Variants in NEB observed in about 807,000 individuals in gnomAD.
NEB encodes the protein nebulin.
A neutral mutation model predicts 952.2 loss-of-function variants in NEB; 512 were observed. The ratio of observed to expected loss-of-function variants is 0.54; its 90% CI spans 0.50 to 0.58. The LOEUF (loss-of-function observed/expected upper bound fraction) is 0.58, where lower values mean the gene tolerates loss of function less well. Among genes scored for constraint, NEB ranks in the 20% least tolerant of loss-of-function variants. The pLI is 0.00. For missense variants in NEB, 8,428 were observed against 9,231.1 expected (o/e 0.91, Z 3.56); for synonymous variants, 2,900 against 3,149.8 (o/e 0.92, Z 2.66).
chr2:151,488,562 C>T (rs2152725122), intron 181 of NEB, among the ~76,000 whole-genome samples: 1 of 151,830 alleles, frequency 6.6e-6, no homozygotes, highest in Admixed American at 6.6e-5. Context: ...TGGAGGATTG[C>T]TTGAGTCCAT....
chr2:151,500,630 C>T (rs1261244217), intron 168 of NEB, among the ~76,000 whole-genome samples: 2 of 133,776 alleles, frequency 1.5e-5, no homozygotes, highest in African/African-American at 5.4e-5. Context: ...GGGTCTCACT[C>T]CTGTTGCCTA....
At chr2:151,716,527 T>A (rs757163864) in intron 10 of NEB, among the ~76,000 whole-genome samples, 1 of 152,202 alleles carries the variant, frequency 6.6e-6, no homozygotes, top group African/African-American at 2.4e-5. Flanking sequence ...ATTGATAGTA[T>A]TCCTATTGGT....
In NEB at chr2:151,491,770, G is replaced by A. The variant is rs745632829; in HGVS notation, c.25063C>T (p.Arg8355Cys). ...GAACCAGGATTAGTACGCCAGACAC[G>A]TAAACCTGAAAGGGAAACCAGTGAT... ...DQDQETITGL[R>C]VWRTNPGSVF... The change falls in exon 179 of 182, where the codon CGT (arginine) becomes TGT (cysteine). Residue 8355 changes from arginine to cysteine, a missense_variant. Arg to Cys is a radical substitution (Grantham distance 180, BLOSUM62 -3). Transcript: ENST00000397345. 19 of 1,583,436 alleles carry A rather than the reference G, an allele frequency of 1.2e-5. No individual in the cohort carries two copies. Among genetic ancestry groups the A allele is most frequent in the Admixed American group, 3.6e-5 (2 of 55,578 alleles).
chr2:151,492,632 A>G (rs1559144648), intron 176 of NEB, 138 bp from the exon 177 acceptor site: 10 of 495,208 alleles, frequency 2.0e-5, no homozygotes, highest in East Asian at 3.2e-5. Context: ...CACATGACCA[A>G]TTTTGGAACA....
Position 151,657,996 on chromosome 2 carries a change from T to C in NEB, c.6170A>G (p.Asp2057Gly). Residue 2057 changes from aspartate (D) to glycine (G), a missense_variant, in exon 48 of 182, where the codon GAT (aspartate) becomes GGT (glycine). Transcript: ENST00000397345. The stretch of plus-strand genomic sequence containing the variant: ...CTTTGGACTTACATCACTTGCAATA[T>C]CTCTGGAAGCCTTGGCAGCTTTGAT... ...IPIKAAKASR[D>G]IASDYKYKYN... 1 of 1,605,760 alleles carries C rather than the reference T, an allele frequency of 6.2e-7. No homozygotes were observed. The highest frequency in any genetic ancestry group is 8.5e-7 in the Non-Finnish European group (1 of 1,173,976).
At chr2:151,632,137 C>A (rs143167672) in intron 65 of NEB, among the ~76,000 whole-genome samples, 496 of 152,174 alleles carry the variant, frequency 3.3e-3, no homozygotes, top group African/African-American at 0.011. Flanking sequence ...AATCATATTG[C>A]CATATTTTTC....
chr2:151,701,459 C>G (rs1312173339), intron 13 of NEB, among the ~76,000 whole-genome samples: 1 of 149,248 alleles, frequency 6.7e-6, no homozygotes, highest in Non-Finnish European at 1.5e-5. Flanking sequence ...CCTCCTTGTA[C>G]CTCTGATAGA....
intron 130 of NEB, among the ~76,000 whole-genome samples, chr2:151,549,144 G>C (rs572430179): frequency 6.5e-4 from 99 of 152,258 alleles, no homozygotes; most frequent in African/African-American, 2.2e-3. Flanking sequence ...CTGTGAACTG[G>C]GCACAGAGGA....
chr2:151,574,824 T>A (rs150039924), intron 107 of NEB, among the ~76,000 whole-genome samples: 67 of 152,208 alleles, frequency 4.4e-4, no homozygotes, highest in African/African-American at 1.3e-3. Context: ...CTCTTCCTCC[T>A]GGGCTCAAGT....
At chr2:151,691,630 C>T (rs893063690) in intron 23 of NEB, among the ~76,000 whole-genome samples, 3 of 152,088 alleles carry the variant, frequency 2.0e-5, no homozygotes, top group Non-Finnish European at 2.9e-5. Context: ...GCCCCAAATT[C>T]GTGTAGATAT....
chr2:151,487,943 A>G (rs913032900), intron 181 of NEB, among the ~76,000 whole-genome samples: 24 of 152,134 alleles, frequency 1.6e-4, no homozygotes, highest in African/African-American at 5.6e-4. Context: ...AAATGTTCGA[A>G]TATGATACAA....
At position 151,526,057 on chromosome 2, in the gene NEB, C is replaced by G. The variant is rs1257019710; in HGVS notation, c.22062G>C (p.Lys7354Asn). ...VSNLVSENKY[K>N]DHVKKHLAQG... ...GTGCCAAGTGCTTCTTGACATGGTC[C>G]TTGTACTTGTTCTGGGGGAATCCAT... is the stretch of plus-strand genomic sequence containing the variant. The change falls in exon 150 of 182, where the codon AAG (lysine) becomes AAC (asparagine). Residue 7354 changes from lysine (K) to asparagine (N), a missense_variant. Physicochemically the swap from Lys to Asn is moderately conservative, Grantham distance 94. Transcript: ENST00000397345. 2 of 1,613,810 alleles carry G rather than the reference C, an allele frequency of 1.2e-6. No individual in the cohort carries two copies. Among genetic ancestry groups the G allele is most frequent in the Admixed American group, 3.3e-5 (2 of 59,998 alleles).
chr2:151,612,481 C>T (rs1560424399), intron 77 of NEB, 92 bp from the exon 78 acceptor site: 1 of 1,203,634 alleles, frequency 8.3e-7, no homozygotes, highest in African/African-American at 1.5e-5. Context: ...ATGTGTTAGT[C>T]TGAATCTTAT....
At chr2:151,630,567 A>G in intron 67 of NEB, 148 bp downstream of exon 67, 1 of 605,042 alleles carries the variant, frequency 1.7e-6, no homozygotes, top group East Asian at 2.9e-5. Flanking sequence ...CATAAAATGT[A>G]ATATTTAACC....
At chr2:151,595,183 G>A (rs867951923) in intron 92 of NEB, among the ~76,000 whole-genome samples, 10,656 of 133,094 alleles carry the variant, frequency 0.08, 409 homozygotes, top group African/African-American at 0.23. Context: ...GCAGAGAAAG[G>A]GAACAAGGTG....
At chr2:151,694,255 C>T (rs1381571172) in intron 20 of NEB, 68 bp downstream of exon 20, 7 of 1,319,692 alleles carry the variant, frequency 5.3e-6, no homozygotes, top group Non-Finnish European at 7.6e-6. Flanking sequence ...AACGTCCATC[C>T]AAGGTTATAT....
At position 151,576,197 on chromosome 2, in the gene NEB, G is replaced by A. The variant is rs372378973; in HGVS notation, c.16862C>T (p.Thr5621Ile). ...VNLKYTSIVDTPEVVLAKSNA... is the reference protein window; with the variant it reads ...VNLKYTSIVDIPEVVLAKSNA... ...TGATTTAGCAAGGACCACTTCAGGT[G>A]TGTCAACAATGCTTGTGTACTTAAG... Residue 5621 changes from threonine (T) to isoleucine (I), a missense_variant, in exon 106 of 182, where the codon ACA (threonine) becomes ATA (isoleucine). By Grantham distance (89) the Thr-to-Ile change is moderately conservative (BLOSUM62 -1). This residue lies in a region of NEB where 3,374 missense variants were observed against 3,651.5 expected (regional missense o/e 0.92). Coordinates refer to ENST00000397345, the MANE Select transcript of NEB (RefSeq NM_001164508.2). 2 of 1,609,912 alleles carry A rather than the reference G, an allele frequency of 1.2e-6. No individual in the cohort carries two copies. Among genetic ancestry groups the A allele is most frequent in the Admixed American group, 3.3e-5 (2 of 59,934 alleles).
rs754340689 is a variant in NEB, at chr2:151,561,009, T to A, written c.19201A>T (p.Ser6401Cys). The change falls in exon 123 of 182, where the codon AGC (serine) becomes TGC (cysteine). Residue 6401 changes from serine (S) to cysteine (C), a missense_variant. Coordinates refer to ENST00000397345, the MANE Select transcript of NEB (RefSeq NM_001164508.2). The part of the protein sequence containing the change: ...DRTRNLKNLY[S>C]SNLYKEAWDR... Reference sequence around the variant, plus strand: ...GGAAAAAAAACTCAACTCACACTGCTGTAAAGATTCTTCAGGTTTCTGGTT... The same window carrying A: ...GGAAAAAAAACTCAACTCACACTGCAGTAAAGATTCTTCAGGTTTCTGGTT... 2 of 1,598,132 alleles carry A rather than the reference T, an allele frequency of 1.3e-6. No homozygotes were observed. Among genetic ancestry groups the A allele is most frequent in the Non-Finnish European group, 1.7e-6 (2 of 1,167,138 alleles).
chr2:151,685,755 A>G (rs2099492559), intron 27 of NEB, among the ~76,000 whole-genome samples: 1 of 152,210 alleles, frequency 6.6e-6, no homozygotes, highest in African/African-American at 2.4e-5. Context: ...GTATCCACTC[A>G]CCAATTACTT....
Sources: gnomAD v4.1 joint callset for allele counts (sites outside exome capture counted in the v4.1 genomes callset) on GRCh38, gnomAD v4.1.1 for gene constraint, gnomAD v4.1.1 regional missense constraint, MANE v1.5 for transcripts, NCBI Gene and HGNC (gene_info 2026-07-23, HGNC 2026-07-21) for gene names.